The following PCDH15 variants were observed in gnomAD, a reference collection of about 807,000 sequenced individuals.
The protein encoded by PCDH15 is protocadherin related 15.
A neutral mutation model predicts 178.5 loss-of-function variants in PCDH15; 129 were observed. The ratio of observed to expected loss-of-function variants is 0.72; its 90% confidence interval spans 0.63 to 0.84. The LOEUF is 0.84. Among genes scored for constraint, PCDH15 ranks in the 40% least tolerant of loss-of-function variants. The probability of loss-of-function intolerance (pLI) is 0.00; values close to 1 mark genes in which losing one functional copy is unlikely to be tolerated. For missense variants in PCDH15, 2,230 were observed against 2,099.9 expected (o/e 1.06, Z -1.21); for synonymous variants, 800 against 732.0 (o/e 1.09, Z -1.50).
chr10:54,165,170 A>G (rs2046095876), intron 13 of PCDH15, among the ~76,000 whole-genome samples: 1 of 147,654 alleles, frequency 6.8e-6, no homozygotes, highest in African/African-American at 2.4e-5. Context: ...CTTAATGTGA[A>G]CAAGTGATGC....
intron 20 of PCDH15, among the ~76,000 whole-genome samples, chr10:54,000,004 C>T (rs1335350896): frequency 1.3e-5 from 2 of 152,098 alleles, no homozygotes; most frequent in Non-Finnish European, 2.9e-5. Context: ...CAAACAGAGA[C>T]ACTCTGTCTG....
chr10:53,985,783 T>C (rs776820042), intron 21 of PCDH15, among the ~76,000 whole-genome samples: 31 of 152,234 alleles, frequency 2.0e-4, no homozygotes, highest in Non-Finnish European at 3.1e-4. Flanking sequence ...TTACAGGATT[T>C]TCCAGAATGC....
chr10:54,781,389 C>T (rs1457093042), intron 1 of PCDH15, among the ~76,000 whole-genome samples: 1 of 152,082 alleles, frequency 6.6e-6, no homozygotes, highest in Non-Finnish European at 1.5e-5. Context: ...AAATTTAATA[C>T]ATCTATGTAG....
intron 15 of PCDH15, among the ~76,000 whole-genome samples, chr10:54,130,674 TC>T (rs912558901): frequency 6.8e-4 from 104 of 152,294 alleles, no homozygotes; most frequent in African/African-American, 2.3e-3. Context: ...GACTTTGATC[TC>T]CATCAAAACA....
intron 8 of PCDH15, among the ~76,000 whole-genome samples, chr10:54,307,351 T>A (rs1190933567): frequency 6.6e-6 from 1 of 150,930 alleles, no homozygotes; most frequent in East Asian, 2.0e-4. Flanking sequence ...TCTACATTAG[T>A]GTGTGGAAAA....
chr10:54,904,095 C>A (rs995147311), intron 2 of PCDH15, among the ~76,000 whole-genome samples: 1 of 151,906 alleles, frequency 6.6e-6, no homozygotes, highest in Non-Finnish European at 1.5e-5. Flanking sequence ...TTATATATGT[C>A]AATGAAACAA....
rs114956599 is a variant in PCDH15 at position 53,986,753 on chromosome 10, C to T, written c.2868+8896G>A. On this transcript the variant is annotated intron_variant, in intron 21 of 37. Coordinates refer to ENST00000644397, the MANE Select transcript of PCDH15 (RefSeq NM_001384140.1). ...GACCAATACCGCATGATTGCATTTA[C>T]ATGAGATATCTAAAATAGTCGTCAA... Among the ~76,000 whole-genome samples the T allele has an allele frequency of 6.1e-3, 928 of 152,318 alleles. 9 individuals carry two copies. Among genetic ancestry groups the T allele is most frequent in the African/African-American group, 0.018 (762 of 41,572 alleles).
chr10:55,266,053 G>A (rs971567790), intron 1 of PCDH15, among the ~76,000 whole-genome samples: 1 of 152,076 alleles, frequency 6.6e-6, no homozygotes, highest in African/African-American at 2.4e-5. Context: ...TCCCATAGAA[G>A]GTTTAATACC....
chr10:55,000,932 T>C (rs908480964), intron 2 of PCDH15, among the ~76,000 whole-genome samples: 5 of 152,110 alleles, frequency 3.3e-5, no homozygotes, highest in African/African-American at 9.7e-5. Flanking sequence ...CCAGGCCCAT[T>C]TGTGGTCACC....
At chr10:54,491,865 T>C (rs990357643) in intron 3 of PCDH15, among the ~76,000 whole-genome samples, 1 of 152,194 alleles carries the variant, frequency 6.6e-6, no homozygotes, top group Admixed American at 6.6e-5. Context: ...ATCTGCATAA[T>C]GAAGAGTTAA....
intron 37 of PCDH15, chr10:53,809,173 G>A: frequency 6.2e-7 from 1 of 1,613,904 alleles, no homozygotes; most frequent in Non-Finnish European, 8.5e-7. Context: ...CTCTGACTCA[G>A]ATTCCTCTTC....
intron 2 of PCDH15, among the ~76,000 whole-genome samples, chr10:55,053,047 G>A (rs1841205402): frequency 1.3e-5 from 2 of 152,070 alleles, no homozygotes; most frequent in Admixed American, 6.6e-5. Flanking sequence ...ATCTCTAAAC[G>A]TACATGACAA....
At chr10:53,946,061 A>T (rs145432280) in intron 23 of PCDH15, among the ~76,000 whole-genome samples, 66 of 152,148 alleles carry the variant, frequency 4.3e-4, no homozygotes, top group African/African-American at 1.5e-3. Context: ...ATGACCAGTA[A>T]ATATGTGAAA....
intron 2 of PCDH15, among the ~76,000 whole-genome samples, chr10:55,139,668 A>G (rs919550519): frequency 3.3e-5 from 5 of 151,942 alleles, no homozygotes; most frequent in African/African-American, 9.7e-5. Context: ...TTTTGTGCCA[A>G]TCCCACATAG....
At chr10:55,328,980 A>T (rs1844119427) in intron 2 of PCDH15, among the ~76,000 whole-genome samples, 1 of 141,338 alleles carries the variant, frequency 7.1e-6, no homozygotes, top group Non-Finnish European at 1.5e-5. Flanking sequence ...GTACACAAAC[A>T]TTTGGAAATA....
At chr10:54,123,450 T>C (rs889419180) in intron 15 of PCDH15, among the ~76,000 whole-genome samples, 1 of 151,980 alleles carries the variant, frequency 6.6e-6, no homozygotes, top group Non-Finnish European at 1.5e-5. Context: ...ATCAGAGAAA[T>C]GCAAGTCAAA....
At chr10:54,476,893 T>G (rs1448810351) in intron 3 of PCDH15, among the ~76,000 whole-genome samples, 1 of 152,138 alleles carries the variant, frequency 6.6e-6, no homozygotes, top group African/African-American at 2.4e-5. Flanking sequence ...TTTCTAAAGA[T>G]ATATTAGATT....
At chr10:55,154,966 C>A (rs566100736) in intron 2 of PCDH15, among the ~76,000 whole-genome samples, 1 of 152,214 alleles carries the variant, frequency 6.6e-6, no homozygotes, top group Admixed American at 6.6e-5. Flanking sequence ...CTTGTTGTGA[C>A]ATTAACAGCC....
Position 55,209,200 on chromosome 10 carries a change from G to A in PCDH15, c.-155-42549C>T, listed in dbSNP as rs140815050. On this transcript the variant is annotated intron_variant, in intron 1 of 5. Coordinates refer to the PCDH15 transcript ENST00000458638. ...ACATTCAAGGCACTGAAACAACAGA[G>A]TGGAGGCTGGTGGAATGTGTAAAGG... Among the ~76,000 whole-genome samples the A allele has an allele frequency of 1.3e-3, 196 of 152,260 alleles. 2 individuals carry two copies. The highest frequency in any genetic ancestry group is 4.0e-3 in the African/African-American group (164 of 41,518).
Sources: allele counts gnomAD v4.1 joint callset (sites outside exome capture counted in the v4.1 genomes callset), GRCh38; gene constraint gnomAD v4.1.1; transcripts MANE v1.5; gene names NCBI Gene and HGNC (gene_info 2026-07-23, HGNC 2026-07-21).